Variants in CARS2 observed in about 807,000 individuals in gnomAD.
The protein encoded by CARS2 is probable cysteine--tRNA ligase, mitochondrial.
CARS2 carries 52 observed loss-of-function variants against 68.8 expected under a neutral mutation model. The observed-to-expected ratio is 0.76, with a 90% CI of 0.61 to 0.95. The LOEUF is 0.95. CARS2 is among the 40% of genes least tolerant of loss of function. CARS2 has a pLI of 0.00. For missense variants in CARS2, 780 were observed against 754.2 expected, an observed-to-expected ratio of 1.03 and a Z score of -0.40; for synonymous variants, 314 against 303.6, an observed-to-expected ratio of 1.03 and a Z score of -0.36.
chr13:110,647,386 G>A (rs935391559), intron 10 of CARS2, 147 bp from the exon 11 acceptor site: 14 of 972,950 alleles, frequency 1.4e-5, no homozygotes, highest in Non-Finnish European at 1.6e-5. Flanking sequence ...TCCAGTGACC[G>A]CGAGTCCCTA....
intron 9 of CARS2, among the ~76,000 whole-genome samples, chr13:110,657,493 A>G (rs1277833782): frequency 6.6e-6 from 1 of 152,242 alleles, no homozygotes; most frequent in Non-Finnish European, 1.5e-5. Context: ...AGCCAGTCAG[A>G]AGAGCCCTCC....
intron 9 of CARS2, among the ~76,000 whole-genome samples, chr13:110,656,359 C>T (rs2139721507): frequency 1.3e-5 from 2 of 152,246 alleles, no homozygotes; most frequent in East Asian, 3.9e-4. Context: ...ACACTGGAAA[C>T]AAACAGAACA....
chr13:110,670,433 C>T lies in CARS2; in HGVS notation c.786-2960G>A, dbSNP rs922510163. Among the ~76,000 whole-genome samples the T allele has an allele frequency of 6.6e-6, 1 of 152,134 alleles. No individual in the cohort carries two copies. The highest frequency in any genetic ancestry group is 1.5e-5 in the Non-Finnish European group (1 of 68,014). The stretch of plus-strand genomic sequence containing the variant: ...GTTCTGCAGCCTCTGCTGGTGATAC[C>T]CAGGCAAACAGGGTCTGGAGTGGAC... On this transcript the variant is annotated intron_variant, in intron 7 of 14. Transcript: ENST00000257347. The surrounding 1 kb of genome is among the most constrained non-coding windows in gnomAD (Gnocchi z 4.1).
chr13:110,659,899 C>T (rs561311810), intron 9 of CARS2, among the ~76,000 whole-genome samples: 1 of 152,302 alleles, frequency 6.6e-6, no homozygotes, highest in South Asian at 2.1e-4. Flanking sequence ...TCTGTGCCAT[C>T]AATTGACTCT....
At chr13:110,671,966 G>C (rs1405748467) in intron 7 of CARS2, among the ~76,000 whole-genome samples, 2 of 152,162 alleles carry the variant, frequency 1.3e-5, no homozygotes, top group Non-Finnish European at 2.9e-5. Flanking sequence ...AAGAGACAAA[G>C]AAGGCCATTA....
chr13:110,682,158 C>T (rs548990923), intron 6 of CARS2, among the ~76,000 whole-genome samples: 2 of 152,150 alleles, frequency 1.3e-5, no homozygotes, highest in Non-Finnish European at 2.9e-5. Flanking sequence ...ATTCTCTGTA[C>T]CTTACTCTCA....
In CARS2 at chr13:110,701,514, T is replaced by C. The variant is rs754574271; in HGVS notation, c.317A>G (p.Lys106Arg). Residue 106 changes from lysine to arginine, a missense_variant, in exon 3 of 15, where the codon AAG (lysine) becomes AGG (arginine). Transcript: ENST00000257347. Reference protein sequence around the residue: ...RFDIIRRILTKVFGCSIVMVM... With the variant: ...RFDIIRRILTRVFGCSIVMVM... ...CATGACTATGCTGCATCCAAAAACC[T>C]TGGTTAGGATCCTTCGAATGATATC... 1.3e-6 allele frequency: 2 copies of C among 1,591,076 alleles called. No individual in the cohort carries two copies. Among genetic ancestry groups the C allele is most frequent in the Non-Finnish European group, 1.7e-6 (2 of 1,158,984 alleles).
Position 110,653,177 on chromosome 13 carries a change from G to A in CARS2, c.988-2077C>T, listed in dbSNP as rs1182762621. 8.2e-6 allele frequency among the ~76,000 whole-genome samples: 1 copy of A among 122,520 alleles called. No homozygotes were observed. Among genetic ancestry groups the A allele is most frequent in the Non-Finnish European group, 1.6e-5 (1 of 60,992 alleles). The allele number at this position is 122,520 out of a possible 152,430, so 80.4% of individuals were successfully genotyped here. On this transcript the variant is annotated intron_variant, in intron 9 of 14. Transcript: ENST00000257347. This position sits in a 1 kb window ranked among gnomAD's most constrained non-coding sequence, Gnocchi z 5.6. ...TTCACCAGGCTGCCACAGGGGCCTG[G>A]GGTGGGGAGGGGGGCTGGGGTATGT...
upstream of CARS2, chr13:110,707,397 A>C (rs2063985432): frequency 1.3e-5 from 2 of 152,266 alleles, no homozygotes; most frequent in Non-Finnish European, 2.9e-5. Flanking sequence ...CTGTAATCCC[A>C]GCACTTTGGG....
intron 3 of CARS2, among the ~76,000 whole-genome samples, chr13:110,692,272 C>G (rs2063492985): frequency 6.6e-6 from 1 of 151,530 alleles, no homozygotes; most frequent in Non-Finnish European, 1.5e-5. Flanking sequence ...GAGTTCAAGA[C>G]CAGCCTGGCC....
chr13:110,710,679 CTAAG>C (rs1335847996), upstream of CARS2, among the ~76,000 whole-genome samples: 3 of 152,140 alleles, frequency 2.0e-5, no homozygotes, highest in African/African-American at 7.2e-5. Flanking sequence ...GCTTGATCTT[CTAAG>C]TTTGTTCCAA....
intron 5 of CARS2, among the ~76,000 whole-genome samples, chr13:110,683,642 T>C (rs1223864157): frequency 6.6e-6 from 1 of 152,190 alleles, no homozygotes; most frequent in Non-Finnish European, 1.5e-5. Context: ...ACTCTTTCTT[T>C]ACTTTATGTT....
chr13:110,682,958 A>C, intron 6 of CARS2, 93 bp downstream of exon 6: 3 of 728,346 alleles, frequency 4.1e-6, no homozygotes, highest in Non-Finnish European at 6.5e-6. Context: ...TGTCTGAGCA[A>C]GTGGAGGGGT....
chr13:110,647,252 A>T lies in CARS2; in HGVS notation c.1055-13T>A, dbSNP rs1266164222. ...CTGTAGTCGATGGCTGAGGAGGAAG[A>T]GATGGTCACTGAGGCGGTGCCCACC... On this transcript the variant is annotated splice_polypyrimidine_tract_variant and intron_variant, in intron 10 of 14. Coordinates refer to ENST00000257347, the MANE Select transcript of CARS2 (RefSeq NM_024537.4). 1 of 1,609,852 alleles carries T rather than the reference A, an allele frequency of 6.2e-7. No homozygotes were observed. The highest frequency in any genetic ancestry group is 1.3e-5 in the African/African-American group (1 of 74,900).
intron 9 of CARS2, among the ~76,000 whole-genome samples, chr13:110,655,267 A>C (rs2062335948): frequency 6.6e-6 from 1 of 152,220 alleles, no homozygotes; most frequent in African/African-American, 2.4e-5. Context: ...AAATAAAATC[A>C]CGGTGCCTCC....
intron 13 of CARS2, 180 bp downstream of exon 13, chr13:110,644,205 T>C: frequency 6.9e-7 from 1 of 1,458,964 alleles, no homozygotes; most frequent in African/African-American, 1.4e-5. Flanking sequence ...AATTGTGCAA[T>C]TCCAATTAAT....
intron 6 of CARS2, among the ~76,000 whole-genome samples, chr13:110,682,740 G>A (rs930382333): frequency 2.0e-5 from 3 of 152,130 alleles, no homozygotes; most frequent in Non-Finnish European, 4.4e-5. Context: ...TATGATGTAC[G>A]TGTATGAGGT....
upstream of CARS2, among the ~76,000 whole-genome samples, chr13:110,708,574 CT>C (rs572046218): frequency 7.9e-4 from 115 of 145,250 alleles, no homozygotes; most frequent in Middle Eastern, 3.5e-3. Flanking sequence ...ATTATGTTTT[CT>C]TTTTTTTTTT....
At chr13:110,664,694 T>A (rs1258809654) in intron 8 of CARS2, 1 of 953,960 alleles carries the variant, frequency 1.0e-6, no homozygotes, top group Admixed American at 6.2e-5. Context: ...TGAATGTTTA[T>A]GTCCTCCCAA....
Sources: allele counts gnomAD v4.1 joint callset (sites outside exome capture counted in the v4.1 genomes callset), GRCh38; gene constraint gnomAD v4.1.1; non-coding constraint Gnocchi (gnomAD v3.1); transcripts MANE v1.5; gene names NCBI Gene and HGNC (gene_info 2026-07-23, HGNC 2026-07-21).